PLXDC2: variants seen among roughly 807,000 people sequenced by gnomAD.
The protein encoded by PLXDC2 is plexin domain containing 2, also known as plexin domain-containing protein 2.
In PLXDC2, 40 loss-of-function variants were observed where a neutral mutation model predicts 68.9. That is an observed-to-expected ratio of 0.58 (90% CI 0.45 to 0.76). The LOEUF is 0.76. Ranked by LOEUF, PLXDC2 falls within the 30% of genes least tolerant of loss-of-function variation. PLXDC2 has a pLI of 0.00. For missense variants in PLXDC2, 644 were observed against 661.9 expected (o/e 0.97, Z 0.30); for synonymous variants, 243 against 234.2 (o/e 1.04, Z -0.34).
At chr10:19,956,428 A>G (rs1413899332) in intron 1 of PLXDC2, among the ~76,000 whole-genome samples, 1 of 152,200 alleles carries the variant, frequency 6.6e-6, no homozygotes, top group African/African-American at 2.4e-5. Context: ...CTTTAAATTT[A>G]CCTTTCAGAA....
At chr10:20,123,106 A>C (rs1332549763) in intron 4 of PLXDC2, among the ~76,000 whole-genome samples, 2 of 152,190 alleles carry the variant, frequency 1.3e-5, no homozygotes, top group African/African-American at 4.8e-5. Context: ...TCATGGAACA[A>C]AACTGTAAGC....
intron 1 of PLXDC2, among the ~76,000 whole-genome samples, chr10:19,819,796 TG>T (rs1193049053): frequency 2.0e-5 from 3 of 152,244 alleles, no homozygotes; most frequent in African/African-American, 7.2e-5. Flanking sequence ...CAATTTACTT[TG>T]AAATATTACT....
At chr10:19,908,480 G>T (rs1833207229) in intron 1 of PLXDC2, among the ~76,000 whole-genome samples, 3 of 152,244 alleles carry the variant, frequency 2.0e-5, no homozygotes, top group Admixed American at 6.5e-5. Flanking sequence ...GAGGGATGGG[G>T]GTGGAAGTTA....
At chr10:20,087,198 G>A (rs959679787) in intron 4 of PLXDC2, among the ~76,000 whole-genome samples, 4 of 152,198 alleles carry the variant, frequency 2.6e-5, no homozygotes, top group Admixed American at 6.5e-5. Context: ...AGGCTAGGCA[G>A]GTCTACACAG....
intron 1 of PLXDC2, among the ~76,000 whole-genome samples, chr10:19,992,599 T>G (rs540589245): frequency 1.4e-4 from 22 of 152,296 alleles, no homozygotes; most frequent in Non-Finnish European, 2.8e-4. Context: ...ATTTCATTTT[T>G]CTTTTAAATT....
At chr10:19,963,121 T>G (rs1274892218) in intron 1 of PLXDC2, among the ~76,000 whole-genome samples, 1 of 152,208 alleles carries the variant, frequency 6.6e-6, no homozygotes, top group Non-Finnish European at 1.5e-5. Context: ...GTAGCTCACT[T>G]TATACATCAG....
chr10:20,188,634 A>C (rs1295678885), intron 9 of PLXDC2, among the ~76,000 whole-genome samples: 1 of 151,760 alleles, frequency 6.6e-6, no homozygotes, highest in Non-Finnish European at 1.5e-5. Context: ...GTATGGAAGC[A>C]CTTATTCATC....
chr10:20,174,056 T>C (rs183925266), intron 7 of PLXDC2, among the ~76,000 whole-genome samples: 1 of 152,264 alleles, frequency 6.6e-6, no homozygotes, highest in Admixed American at 6.5e-5. Context: ...TCAATCATTG[T>C]TAGTAGTTGA....
intron 4 of PLXDC2, among the ~76,000 whole-genome samples, chr10:20,127,477 C>T (rs926291369): frequency 6.6e-6 from 1 of 152,078 alleles, no homozygotes; most frequent in Non-Finnish European, 1.5e-5. Flanking sequence ...GGGATATTCT[C>T]CTGCTATGTA....
intron 4 of PLXDC2, among the ~76,000 whole-genome samples, chr10:20,070,502 G>A (rs1836297817): frequency 6.6e-6 from 1 of 152,152 alleles, no homozygotes; most frequent in African/African-American, 2.4e-5. Context: ...CTCACAAGAA[G>A]TATGTCTTTT....
chr10:19,886,852 T>G (rs1244103430), intron 1 of PLXDC2, among the ~76,000 whole-genome samples: 1 of 152,210 alleles, frequency 6.6e-6, no homozygotes, highest in African/African-American at 2.4e-5. Flanking sequence ...CAATATGTAT[T>G]TATGTTAGCG....
chr10:19,884,307 C>G (rs946848679), intron 1 of PLXDC2, among the ~76,000 whole-genome samples: 9 of 151,908 alleles, frequency 5.9e-5, no homozygotes, highest in Admixed American at 2.6e-4. Context: ...AAAAAATTGC[C>G]CAAGAACTTC....
At chr10:20,132,209 A>T (rs574374589) in intron 4 of PLXDC2, among the ~76,000 whole-genome samples, 2 of 152,186 alleles carry the variant, frequency 1.3e-5, no homozygotes, top group Non-Finnish European at 2.9e-5. Context: ...GTCTGAAAAG[A>T]TACTTGGTAT....
Position 20,068,169 on chromosome 10 carries a change from G to T in PLXDC2, c.472-1G>T. On this transcript the variant is annotated splice_acceptor_variant, in intron 3 of 13. Coordinates refer to ENST00000377252, the MANE Select transcript of PLXDC2 (RefSeq NM_032812.9). LOFTEE classifies it high-confidence loss of function. ...TTTTTCTCTGGTGTTGTTCTTTGCA[G>T]AGAGTGAATCTGTCCTTCGATTTTC... 6.2e-7 allele frequency: 1 copy of T among 1,611,384 alleles called. No homozygotes were observed. The highest frequency in any genetic ancestry group is 8.5e-7 in the Non-Finnish European group (1 of 1,177,972).
intron 13 of PLXDC2, among the ~76,000 whole-genome samples, chr10:20,252,341 C>A (rs890568498): frequency 6.6e-6 from 1 of 152,110 alleles, no homozygotes; most frequent in Non-Finnish European, 1.5e-5. Context: ...TCAATAATTT[C>A]TGTATAATTA....
At chr10:19,928,749 CTTTTTT>C (rs796581734) in intron 1 of PLXDC2, among the ~76,000 whole-genome samples, 3 of 105,188 alleles carry the variant, frequency 2.9e-5, no homozygotes, top group Non-Finnish European at 5.9e-5. Flanking sequence ...GAAGATAGGA[CTTTTTT>C]TTTTTTTTTT....
chr10:20,272,126 G>A (rs1835948317), intron 13 of PLXDC2, among the ~76,000 whole-genome samples: 1 of 152,046 alleles, frequency 6.6e-6, no homozygotes, highest in Admixed American at 6.6e-5. Flanking sequence ...CTTTTTCAGG[G>A]GATGTAGCTT....
intron 1 of PLXDC2, among the ~76,000 whole-genome samples, chr10:19,961,911 A>G (rs1423295434): frequency 6.6e-6 from 1 of 152,068 alleles, no homozygotes; most frequent in East Asian, 1.9e-4. Flanking sequence ...TGAAGGATCC[A>G]TTTTCTGTTG....
At position 20,285,668 on chromosome 10, in the gene PLXDC2, T is replaced by C. The variant is rs1229348465; in HGVS notation, c.*5849T>C. 1.3e-5 allele frequency: 2 copies of C among 152,214 alleles called. No individual in the cohort carries two copies. Among genetic ancestry groups the C allele is most frequent in the Non-Finnish European group, 2.9e-5 (2 of 68,036 alleles). 9.4% of individuals were successfully genotyped at this position (152,214 alleles called of 1,614,324 possible). ...CAGTCTTACTGACCAGATGCAACAG[T>C]TGAAGTTTGATTTCTCGACCCAATA... On this transcript the variant is annotated 3_prime_UTR_variant, in exon 14 of 14. Coordinates refer to ENST00000377252, the MANE Select transcript of PLXDC2 (RefSeq NM_032812.9).
Sources: allele counts gnomAD v4.1 joint callset (sites outside exome capture counted in the v4.1 genomes callset), GRCh38; gene constraint gnomAD v4.1.1; transcripts MANE v1.5; gene names NCBI Gene and HGNC (gene_info 2026-07-23, HGNC 2026-07-21).